RUFY1: variants seen among roughly 807,000 people sequenced by gnomAD.
The protein encoded by RUFY1 is RUN and FYVE domain-containing protein 1.
In RUFY1, 54 loss-of-function variants were observed where a neutral mutation model predicts 94.6. That is an observed-to-expected ratio of 0.57 (90% CI 0.46 to 0.72). The LOEUF (loss-of-function observed/expected upper bound fraction) is 0.72. RUFY1 is among the 30% of genes least tolerant of loss of function. The probability of loss-of-function intolerance (pLI) is 0.00; values close to 1 mark genes in which losing one functional copy is unlikely to be tolerated. For missense variants in RUFY1, 883 were observed against 883.9 expected (o/e 1.00, Z 0.01); for synonymous variants, 396 against 347.3 (o/e 1.14, Z -1.56).
chr5:179,595,245 C>T (rs1477607506), intron 12 of RUFY1, among the ~76,000 whole-genome samples: 1 of 152,066 alleles, frequency 6.6e-6, no homozygotes, highest in East Asian at 1.9e-4. Flanking sequence ...TTTGGGAGGC[C>T]GAGGCGGGCG....
At position 179,550,592 on chromosome 5, in the gene RUFY1, G is replaced by T. The variant is rs558217154; in HGVS notation, c.23G>T (p.Cys8Phe). Residue 8 changes from cysteine to phenylalanine, a missense_variant, in exon 1 of 18, where the codon TGC becomes TTC. Transcript: ENST00000319449. MADREGG[C>F]AAGRGRELEP... ...AAGATGGCCGACCGGGAAGGCGGCT[G>T]CGCTGCTGGGCGGGGGCGGGAGCTG... 24 of 1,280,750 alleles carry T rather than the reference G, an allele frequency of 1.9e-5. No homozygotes were observed. The highest frequency in any genetic ancestry group is 1.5e-4 in the African/African-American group (6 of 38,970). 79.3% of individuals were successfully genotyped at this position (1,280,750 alleles called of 1,614,324 possible). A position where few individuals can be genotyped will look rare whatever the true frequency, so the allele number is the denominator to read the frequency against.
intron 1 of RUFY1, among the ~76,000 whole-genome samples, chr5:179,558,561 AAAC>A (rs528516470): frequency 1.6e-4 from 23 of 144,680 alleles, no homozygotes; most frequent in Non-Finnish European, 3.0e-4. Flanking sequence ...AACAAGAGTG[AAAC>A]AACATCTCAA....
At position 179,601,989 on chromosome 5, in the gene RUFY1, A is replaced by G. The variant is rs1206757019; in HGVS notation, c.1856+3A>G. On this transcript the variant is annotated splice_donor_region_variant and intron_variant, in intron 15 of 17. Coordinates refer to ENST00000319449, the MANE Select transcript of RUFY1 (RefSeq NM_025158.5). ...GAAATGGGCCTGCACCTCAGCCAGT[A>G]AGAACCCCACTCCCCTTGTCTGCCA... The G allele has an allele frequency of 6.2e-7, 1 of 1,611,228 alleles. No individual in the cohort carries two copies. The highest frequency in any genetic ancestry group is 8.5e-7 in the Non-Finnish European group (1 of 1,177,884).
At chr5:179,585,968 GGGGACTTGCTAGC>G in intron 8 of RUFY1, 103 bp downstream of exon 8, 1 of 880,648 alleles carries the variant, frequency 1.1e-6, no homozygotes, top group Non-Finnish European at 1.9e-6. Flanking sequence ...CTGGTAGGAA[GGGGACTTGCTAGC>G]CTCCAGCTAC....
At chr5:179,598,944 G>GA in intron 14 of RUFY1, 123 bp downstream of exon 14, 1 of 1,056,558 alleles carries the variant, frequency 9.5e-7, no homozygotes, top group Non-Finnish European at 1.4e-6. Context: ...AGGGTGTGGG[G>GA]AGGCTGTTAG....
At chr5:179,580,425 G>T (rs1372049866) in intron 6 of RUFY1, among the ~76,000 whole-genome samples, 1 of 151,490 alleles carries the variant, frequency 6.6e-6, no homozygotes, top group East Asian at 1.9e-4. Flanking sequence ...TGTATTTTTA[G>T]TAGAGACGGG....
rs765429875 is a variant in RUFY1, at chr5:179,605,984, C to G, written c.1905+60C>G. ...AGCTTGTGCTGACTGCCCGTGTGCT[C>G]GTACGTTTAAGTATCCCAACAGTCA... On this transcript the variant is annotated intron_variant, in intron 16 of 17. Transcript: ENST00000319449. 4 of 1,150,086 alleles carry G rather than the reference C, an allele frequency of 3.5e-6. No individual in the cohort carries two copies. The African/African-American group carries it at 6.1e-5, about 18-fold the overall frequency. 71.2% of individuals were successfully genotyped at this position (1,150,086 alleles called of 1,614,324 possible). A position where few individuals can be genotyped will look rare whatever the true frequency, so the allele number is the denominator to read the frequency against.
chr5:179,575,788 T>G (rs1763569320), intron 5 of RUFY1, among the ~76,000 whole-genome samples: 1 of 152,148 alleles, frequency 6.6e-6, no homozygotes, highest in Non-Finnish European at 1.5e-5. Context: ...TTGTTGTTTT[T>G]TTTGTTTTGT....
rs1376390912 is a variant in RUFY1, at chr5:179,609,427, G to C, written c.2035G>C (p.Glu679Gln). The change falls in exon 18 of 18, where the codon GAG becomes CAG. Residue 679 changes from glutamate to glutamine, a missense_variant. Physicochemically the swap from Glu to Gln is conservative, Grantham distance 29 (BLOSUM62 2). Coordinates refer to ENST00000319449, the MANE Select transcript of RUFY1 (RefSeq NM_025158.5). ...HIFCNTCSSN[E>Q]LALPSYPKPV... ...CTTCTGCAACACCTGCTCCAGCAAC[G>C]AGCTGGCCCTGCCCTCCTACCCCAA... 1 of 1,613,084 alleles carries C rather than the reference G, an allele frequency of 6.2e-7. No individual in the cohort carries two copies. The highest frequency in any genetic ancestry group is 8.5e-7 in the Non-Finnish European group (1 of 1,179,812).
intron 1 of RUFY1, among the ~76,000 whole-genome samples, chr5:179,552,797 A>G (rs1007210177): frequency 2.6e-5 from 4 of 152,264 alleles, no homozygotes; most frequent in Non-Finnish European, 5.9e-5. Context: ...GCACAGAATA[A>G]TAAGTGTTTG....
chr5:179,581,036 G>A (rs200560341), intron 7 of RUFY1, 24 bp downstream of exon 7: 3 of 1,461,182 alleles, frequency 2.1e-6, no homozygotes, highest in Non-Finnish European at 9.5e-7. Flanking sequence ...TTTTTTCAAT[G>A]TGACAGTTAC....
chr5:179,609,250 C>A, intron 17 of RUFY1, 126 bp from the exon 18 acceptor site: 3 of 891,584 alleles, frequency 3.4e-6, no homozygotes, highest in Non-Finnish European at 5.1e-6. Flanking sequence ...CACAGCCCCT[C>A]ACCACCCCAC....
At chr5:179,599,150 G>A (rs1766021832) in intron 14 of RUFY1, 2 of 242,984 alleles carry the variant, frequency 8.2e-6, no homozygotes, top group South Asian at 1.1e-4. Context: ...CCTCTTGGGT[G>A]GAGACTGCAG....
intron 14 of RUFY1, among the ~76,000 whole-genome samples, chr5:179,601,214 GCT>G (rs1274318028): frequency 6.6e-6 from 1 of 151,852 alleles, no homozygotes; most frequent in Non-Finnish European, 1.5e-5. Flanking sequence ...TGTCGCCCAG[GCT>G]GGAGTACAGT....
intron 9 of RUFY1, among the ~76,000 whole-genome samples, chr5:179,589,908 T>C (rs993616433): frequency 6.6e-6 from 1 of 152,236 alleles, no homozygotes; most frequent in African/African-American, 2.4e-5. Flanking sequence ...TCACCTGCCA[T>C]GTCCTCCATG....
intron 2 of RUFY1, among the ~76,000 whole-genome samples, chr5:179,560,947 C>T (rs1035303030): frequency 5.3e-5 from 8 of 152,074 alleles, no homozygotes; most frequent in Admixed American, 3.3e-4. Context: ...CGGTGGCTCA[C>T]GCCTTGTAAT....
At chr5:179,608,709 C>T (rs1767371055) in intron 17 of RUFY1, 1 of 845,202 alleles carries the variant, frequency 1.2e-6, no homozygotes. Context: ...GGGTGGATCA[C>T]GAGGTCAGAA....
rs995180258 is a variant in RUFY1, at chr5:179,550,722, G to C, written c.153G>C (p.Arg51=). The C allele has an allele frequency of 6.7e-7, 1 of 1,482,548 alleles. No individual in the cohort carries two copies. Among genetic ancestry groups the C allele is most frequent in the Non-Finnish European group, 8.9e-7 (1 of 1,121,104 alleles). 91.8% of individuals were successfully genotyped at this position (1,482,548 alleles called of 1,614,324 possible). A position where few individuals can be genotyped will look rare whatever the true frequency, so the allele number is the denominator to read the frequency against. Residue 51 remains arginine (R), a synonymous_variant, in exon 1 of 18, where the codon CGG becomes CGC. Transcript: ENST00000319449. ...AGCTGCCCGGCCCAGGCGACCTGCG[G>C]AGCGCAACGAGGCCGCGGGCGGCCG... The part of the protein sequence containing the change: ...RSQLPGPGDL[R]SATRPRAAEG...
At chr5:179,567,213 A>G (rs1561983156) in intron 3 of RUFY1, among the ~76,000 whole-genome samples, 1 of 152,200 alleles carries the variant, frequency 6.6e-6, no homozygotes, top group Admixed American at 6.5e-5. Context: ...TTTTCCTGTG[A>G]TATTTTATGA....
Sources: allele counts gnomAD v4.1 joint callset (sites outside exome capture counted in the v4.1 genomes callset), GRCh38; gene constraint gnomAD v4.1.1; transcripts MANE v1.5; gene names NCBI Gene and HGNC (gene_info 2026-07-23, HGNC 2026-07-21).